Variants in NRXN1 observed in about 807,000 individuals in gnomAD.
NRXN1 encodes the protein neurexin-1.
Under a neutral mutation model 150.9 loss-of-function variants are expected in NRXN1, and 39 were observed. The observed-to-expected ratio is 0.26, with a 90% CI of 0.20 to 0.34. NRXN1 has a LOEUF of 0.34. Among genes scored for constraint, NRXN1 ranks in the 10% least tolerant of loss-of-function variants. The probability of loss-of-function intolerance (pLI) is 1.00; values close to 1 mark genes in which losing one functional copy is unlikely to be tolerated. For missense variants in NRXN1, 1,815 were observed against 1,949.9 expected, an observed-to-expected ratio of 0.93 and a Z score of 1.30; for synonymous variants, 924 against 757.0, an observed-to-expected ratio of 1.22 and a Z score of -3.62.
rs1573251086 is a variant in NRXN1 at position 50,496,210 on chromosome 2, C to A, written c.2880-115G>T. 9 of 692,310 alleles carry A rather than the reference C, an allele frequency of 1.3e-5. No homozygotes were observed. The East Asian group carries it at 2.0e-4, about 15-fold the overall frequency. 42.9% of individuals were successfully genotyped at this position (692,310 alleles called of 1,614,324 possible). A position where few individuals can be genotyped will look rare whatever the true frequency, so the allele number is the denominator to read the frequency against. On this transcript the variant is annotated intron_variant, in intron 14 of 22. Coordinates refer to ENST00000401669, the MANE Select transcript of NRXN1 (RefSeq NM_001330078.2). ...AGGTGGTTCCATCCTTACTAGAAGT[C>A]ATGACAATAAGTTACATAGAAACTC...
At chr2:50,652,759 T>A (rs1685832557) in intron 5 of NRXN1, among the ~76,000 whole-genome samples, 1 of 152,048 alleles carries the variant, frequency 6.6e-6, no homozygotes, top group Non-Finnish European at 1.5e-5. Flanking sequence ...GCTTAACAGT[T>A]TAAGAAACTG....
intron 5 of NRXN1, among the ~76,000 whole-genome samples, chr2:50,854,122 A>G (rs780286984): frequency 1.3e-5 from 2 of 152,080 alleles, no homozygotes; most frequent in African/African-American, 2.4e-5. Flanking sequence ...TAAAATCAGC[A>G]TGGCAGATAT....
At chr2:50,503,142 T>C (rs553125852) in intron 13 of NRXN1, among the ~76,000 whole-genome samples, 1 of 152,058 alleles carries the variant, frequency 6.6e-6, no homozygotes, top group South Asian at 2.1e-4. Context: ...ACCTCATCTC[T>C]ACTAAAACTA....
intron 17 of NRXN1, among the ~76,000 whole-genome samples, chr2:50,413,809 A>G (rs569000106): frequency 6.6e-6 from 1 of 152,310 alleles, no homozygotes; most frequent in Admixed American, 6.5e-5. Flanking sequence ...TAATGCATAA[A>G]GGAAATGTGT....
At chr2:50,301,878 G>C (rs2074184379) in intron 17 of NRXN1, among the ~76,000 whole-genome samples, 1 of 152,118 alleles carries the variant, frequency 6.6e-6, no homozygotes, top group Non-Finnish European at 1.5e-5. Flanking sequence ...AAATGAATGA[G>C]ACATTCTTTC....
chr2:50,733,372 A>G (rs762662261), intron 5 of NRXN1, among the ~76,000 whole-genome samples: 1 of 152,128 alleles, frequency 6.6e-6, no homozygotes, highest in Non-Finnish European at 1.5e-5. Context: ...GTGTTAAATT[A>G]TTTAATTTGT....
At chr2:50,472,755 C>A (rs2075232) in intron 15 of NRXN1, among the ~76,000 whole-genome samples, 1 of 150,084 alleles carries the variant, frequency 6.7e-6, no homozygotes, top group Non-Finnish European at 1.5e-5. Flanking sequence ...CATACCCTTG[C>A]GTGGAAATCC....
At chr2:51,003,368 T>C (rs1372134233) in intron 2 of NRXN1, among the ~76,000 whole-genome samples, 1 of 151,980 alleles carries the variant, frequency 6.6e-6, no homozygotes, top group Non-Finnish European at 1.5e-5. Flanking sequence ...TTTCAGGTCA[T>C]TTTCACATAC....
At chr2:50,639,774 C>T (rs991353310) in intron 5 of NRXN1, among the ~76,000 whole-genome samples, 1 of 152,062 alleles carries the variant, frequency 6.6e-6, no homozygotes, top group South Asian at 2.1e-4. Flanking sequence ...GTGAAGTAAT[C>T]ATCCCAACTA....
At chr2:50,002,374 T>C (rs1038680261) in intron 21 of NRXN1, among the ~76,000 whole-genome samples, 1 of 152,170 alleles carries the variant, frequency 6.6e-6, no homozygotes, top group African/African-American at 2.4e-5. Flanking sequence ...CAGTCATTGC[T>C]GAGTCTATCA....
intron 2 of NRXN1, among the ~76,000 whole-genome samples, chr2:50,943,602 T>C (rs1382771334): frequency 1.3e-5 from 2 of 152,186 alleles, no homozygotes; most frequent in East Asian, 1.9e-4. Context: ...TGTTCACATC[T>C]AGAACTGTGC....
At chr2:50,685,136 A>C (rs889937162) in intron 5 of NRXN1, among the ~76,000 whole-genome samples, 1 of 152,268 alleles carries the variant, frequency 6.6e-6, no homozygotes, top group African/African-American at 2.4e-5. Context: ...ACTTAAACAA[A>C]ATTATTATTT....
chr2:50,281,215 G>A (rs1321513565), intron 17 of NRXN1, among the ~76,000 whole-genome samples: 2 of 151,692 alleles, frequency 1.3e-5, no homozygotes, highest in South Asian at 4.2e-4. Flanking sequence ...TACTCGGGAG[G>A]CTGAGGCAGG....
chr2:50,550,948 T>C (rs1433089004), intron 9 of NRXN1, among the ~76,000 whole-genome samples: 1 of 151,836 alleles, frequency 6.6e-6, no homozygotes, highest in Admixed American at 6.6e-5. Flanking sequence ...CCCAAAGTGC[T>C]GGGATTACGG....
At chr2:50,051,077 C>T (rs561215281) in intron 21 of NRXN1, among the ~76,000 whole-genome samples, 6 of 152,050 alleles carry the variant, frequency 3.9e-5, no homozygotes, top group African/African-American at 9.6e-5. Flanking sequence ...TAAACTGCTG[C>T]TGTCTTCAAA....
In NRXN1 at chr2:50,184,996, T is replaced by C. The variant is rs1025279532; in HGVS notation, c.3546+51793A>G. Among the ~76,000 whole-genome samples the C allele has an allele frequency of 2.0e-5, 3 of 152,066 alleles. No individual in the cohort carries two copies. The East Asian group carries it at 5.8e-4, about 29-fold the overall frequency. The stretch of plus-strand genomic sequence containing the variant: ...TAGGTGGCCTCCCCTCTTCATTACA[T>C]AGTATTACACCTTTTATTTATCTCA... On this transcript the variant is annotated intron_variant, in intron 18 of 22. Coordinates refer to ENST00000401669, the MANE Select transcript of NRXN1 (RefSeq NM_001330078.2).
chr2:50,753,909 C>T (rs1487585553), intron 5 of NRXN1, among the ~76,000 whole-genome samples: 1 of 140,504 alleles, frequency 7.1e-6, no homozygotes, highest in African/African-American at 2.7e-5. Flanking sequence ...CATTTAGCAG[C>T]TCATTATTTT....
rs187998759 is a variant in NRXN1 at position 50,677,236 on chromosome 2, C to T, written c.833-53621G>A. 1.0e-4 allele frequency among the ~76,000 whole-genome samples: 15 copies of T among 148,844 alleles called. No homozygotes were observed. In the East Asian group the frequency reaches 3.2e-3, roughly 32 times the overall value. ...GGACATTCCCAAAGTGTTTTTTGTT[C>T]TAGCTCTGTGAAGAGTCTCTGGTCA... On this transcript the variant is annotated intron_variant, in intron 5 of 22. Coordinates refer to ENST00000401669, the MANE Select transcript of NRXN1 (RefSeq NM_001330078.2).
chr2:50,623,476 A>C lies in NRXN1; in HGVS notation c.972T>G (p.Thr324=). The C allele has an allele frequency of 6.2e-7, 1 of 1,613,446 alleles. No homozygotes were observed. Among genetic ancestry groups the C allele is most frequent in the Non-Finnish European group, 8.5e-7 (1 of 1,179,536 alleles). The change falls in exon 6 of 23, where the codon ACT becomes ACG. Residue 324 remains threonine (T), a synonymous_variant. Coordinates refer to ENST00000401669, the MANE Select transcript of NRXN1 (RefSeq NM_001330078.2). ...TLQRNGLMLH[T]GKSADYVNLA... Reference sequence around the variant, plus strand: ...GATTGACATAATCAGCCGATTTCCCAGTGTGAAGCATCAGTCCATTCCTCT... The same window carrying C: ...GATTGACATAATCAGCCGATTTCCCCGTGTGAAGCATCAGTCCATTCCTCT...
Sources: gnomAD v4.1 joint callset for allele counts (sites outside exome capture counted in the v4.1 genomes callset) on GRCh38, gnomAD v4.1.1 for gene constraint, MANE v1.5 for transcripts, NCBI Gene and HGNC (gene_info 2026-07-23, HGNC 2026-07-21) for gene names.